The following GPC6 variants were observed in gnomAD, a reference collection of about 807,000 sequenced individuals.
GPC6 encodes the protein glypican 6, also known as glypican-6.
GPC6 carries 14 observed loss-of-function variants against 55.2 expected under a neutral mutation model. The ratio of observed to expected loss-of-function variants is 0.25; its 90% CI spans 0.17 to 0.40. The LOEUF (loss-of-function observed/expected upper bound fraction) is 0.40. Ranked by LOEUF, GPC6 falls within the 10% of genes least tolerant of loss-of-function variation. The pLI is 1.00. For synonymous variants in GPC6, 278 were observed against 259.6 expected (o/e 1.07, Z -0.68); for missense variants, 641 against 708.5 (o/e 0.90, Z 1.08).
At chr13:93,961,031 G>A (rs537795354) in intron 3 of GPC6, among the ~76,000 whole-genome samples, 2 of 152,058 alleles carry the variant, frequency 1.3e-5, no homozygotes, top group South Asian at 4.2e-4. Context: ...AGCCAGGATG[G>A]TCTGGATCTC....
chr13:94,278,757 G>A (rs1169008211), intron 4 of GPC6, among the ~76,000 whole-genome samples: 1 of 152,166 alleles, frequency 6.6e-6, no homozygotes. Context: ...TGTATATGTT[G>A]AGCCAGCCTT....
intron 1 of GPC6, among the ~76,000 whole-genome samples, chr13:93,499,106 C>CACACAAAA (rs71123488): frequency 1.3e-5 from 2 of 151,696 alleles, no homozygotes. Context: ...CACACACACA[C>CACACAAAA]ACACACACAC....
intron 6 of GPC6, among the ~76,000 whole-genome samples, chr13:94,346,341 C>T (rs993814006): frequency 3.9e-5 from 6 of 152,248 alleles, no homozygotes; most frequent in Admixed American, 2.0e-4. Context: ...TTGAATGCTG[C>T]GCTATGTAAG....
intron 3 of GPC6, among the ~76,000 whole-genome samples, chr13:93,882,287 C>T (rs1242828476): frequency 1.3e-5 from 2 of 151,962 alleles, no homozygotes. Context: ...GCTGGGACTA[C>T]AGGCACGTGC....
At chr13:94,015,136 T>C (rs1882410601) in intron 3 of GPC6, among the ~76,000 whole-genome samples, 1 of 152,240 alleles carries the variant, frequency 6.6e-6, no homozygotes, top group South Asian at 2.1e-4. Flanking sequence ...GTGGCTGTAC[T>C]ATTATACATC....
chr13:93,613,675 T>C (rs958398574), intron 2 of GPC6, among the ~76,000 whole-genome samples: 2 of 152,106 alleles, frequency 1.3e-5, no homozygotes, highest in Non-Finnish European at 2.9e-5. Flanking sequence ...TTGCTCTCCA[T>C]TGAGTCCACT....
chr13:93,789,563 AAT>A (rs1225270030), intron 2 of GPC6, among the ~76,000 whole-genome samples: 3 of 114,700 alleles, frequency 2.6e-5, no homozygotes, highest in African/African-American at 1.0e-4. Context: ...CTTAGTTAAT[AAT>A]ATATATATAA....
At chr13:93,950,861 T>TA (rs1879223671) in intron 3 of GPC6, among the ~76,000 whole-genome samples, 1 of 152,074 alleles carries the variant, frequency 6.6e-6, no homozygotes, top group Non-Finnish European at 1.5e-5. Context: ...CCACAAGTTC[T>TA]AAAAAGCAAT....
At chr13:93,558,906 C>T (rs188610794) in intron 2 of GPC6, among the ~76,000 whole-genome samples, 35 of 152,246 alleles carry the variant, frequency 2.3e-4, no homozygotes, top group Admixed American at 3.9e-4. Flanking sequence ...TTTAAATAAA[C>T]AGTGTGCTCC....
At chr13:93,490,489 A>AT (rs1267006354) in intron 1 of GPC6, among the ~76,000 whole-genome samples, 27 of 13,192 alleles carry the variant, frequency 2.0e-3, no homozygotes, top group Non-Finnish European at 3.8e-3. Flanking sequence ...AACTTGAGTG[A>AT]TTTTTTTTTC....
chr13:93,990,846 G>A (rs1881267376), intron 3 of GPC6, among the ~76,000 whole-genome samples: 1 of 150,706 alleles, frequency 6.6e-6, no homozygotes, highest in African/African-American at 2.4e-5. Context: ...CTCAGTGATA[G>A]AGCAAGACCC....
chr13:94,302,733 C>T (rs969716439), intron 5 of GPC6, among the ~76,000 whole-genome samples: 8 of 152,162 alleles, frequency 5.3e-5, no homozygotes, highest in African/African-American at 1.7e-4. Flanking sequence ...GGGGTCCTTG[C>T]GCCCAGAGCT....
chr13:94,114,531 G>A (rs773687838), intron 4 of GPC6, among the ~76,000 whole-genome samples: 51 of 152,128 alleles, frequency 3.4e-4, no homozygotes, highest in Non-Finnish European at 4.7e-4. Context: ...ATTAGGCTGG[G>A]AAGTTTGGTT....
chr13:93,793,276 T>G (rs748097992), intron 2 of GPC6, among the ~76,000 whole-genome samples: 1 of 152,118 alleles, frequency 6.6e-6, no homozygotes, highest in Admixed American at 6.5e-5. Flanking sequence ...TTGGGGAGAA[T>G]TGAGAAAATA....
At chr13:93,732,791 T>C (rs1197043852) in intron 2 of GPC6, among the ~76,000 whole-genome samples, 1 of 150,974 alleles carries the variant, frequency 6.6e-6, no homozygotes, top group East Asian at 1.9e-4. Flanking sequence ...TTTTAAATTT[T>C]CTTGCAGCTA....
chr13:93,874,768 T>G (rs7328659), intron 3 of GPC6, among the ~76,000 whole-genome samples: 100,936 of 151,312 alleles, frequency 0.67, 34,309 homozygotes, highest in East Asian at 0.81. Context: ...CACATCTCCT[T>G]CTTCATATCT....
intron 3 of GPC6, among the ~76,000 whole-genome samples, chr13:93,982,635 A>G (rs1880858768): frequency 6.6e-6 from 1 of 152,178 alleles, no homozygotes; most frequent in Non-Finnish European, 1.5e-5. Flanking sequence ...CTTACTAAGG[A>G]TTAGGTAAAA....
intron 2 of GPC6, among the ~76,000 whole-genome samples, chr13:93,606,079 A>G (rs1464042780): frequency 6.6e-6 from 1 of 152,158 alleles, no homozygotes; most frequent in Non-Finnish European, 1.5e-5. Context: ...ATTACCTATT[A>G]TTAGCTATTA....
At chr13:94,133,138 C>T (rs1419244190) in intron 4 of GPC6, among the ~76,000 whole-genome samples, 2 of 151,712 alleles carry the variant, frequency 1.3e-5, no homozygotes, top group African/African-American at 2.4e-5. Flanking sequence ...TGAGTATTTA[C>T]GATGGTCAGG....
Sources: gnomAD v4.1 joint callset for allele counts (sites outside exome capture counted in the v4.1 genomes callset) on GRCh38, gnomAD v4.1.1 for gene constraint, MANE v1.5 for transcripts, NCBI Gene and HGNC (gene_info 2026-07-23, HGNC 2026-07-21) for gene names.